RFTN1: variants seen among roughly 807,000 people sequenced by gnomAD.
RFTN1 encodes the protein raftlin, lipid raft linker 1.
In RFTN1, 26 loss-of-function variants were observed where a neutral mutation model predicts 46.5. That is an observed-to-expected ratio of 0.56 (90% CI 0.41 to 0.78). The LOEUF (loss-of-function observed/expected upper bound fraction) is 0.78. RFTN1 is among the 30% of genes least tolerant of loss of function. The pLI is 0.00. For synonymous variants in RFTN1, 261 were observed against 284.2 expected (o/e 0.92, Z 0.82); for missense variants, 693 against 718.7 (o/e 0.96, Z 0.41).
chr3:16,375,713 G>A (rs112644757), intron 5 of RFTN1, among the ~76,000 whole-genome samples: 10 of 152,272 alleles, frequency 6.6e-5, no homozygotes, highest in African/African-American at 2.4e-4. Context: ...GACTGGGCTC[G>A]AAGGAGGCTT....
Position 16,445,491 on chromosome 3 carries a change from A to T in RFTN1, c.146-11454T>A, listed in dbSNP as rs1259257218. Among the ~76,000 whole-genome samples, 973 of 147,340 alleles carry T rather than the reference A, an allele frequency of 6.6e-3. 11 individuals carry two copies. The highest frequency in any genetic ancestry group is 0.023 in the African/African-American group (902 of 38,624). On this transcript the variant is annotated intron_variant, in intron 2 of 9. Transcript: ENST00000334133. Reference sequence around the variant, plus strand: ...TTCTCTCTCTCTCTCTCTCACACACACACACACACACACACACACACACAC... The same window carrying T: ...TTCTCTCTCTCTCTCTCTCACACACTCACACACACACACACACACACACAC...
chr3:16,378,284 A>G (rs1197107305), intron 4 of RFTN1, among the ~76,000 whole-genome samples, 182 bp from the exon 5 acceptor site: 1 of 152,260 alleles, frequency 6.6e-6, no homozygotes, highest in East Asian at 1.9e-4. Context: ...AGTCTGAAGA[A>G]GACAGTTTTT....
intron 5 of RFTN1, among the ~76,000 whole-genome samples, chr3:16,372,957 C>T (rs2073586145): frequency 6.6e-6 from 1 of 152,220 alleles, no homozygotes; most frequent in Non-Finnish European, 1.5e-5. Context: ...GCCCCATCAT[C>T]TCCTTGTCTC....
intron 2 of RFTN1, among the ~76,000 whole-genome samples, chr3:16,462,693 G>C (rs538450910): frequency 6.6e-6 from 1 of 152,336 alleles, no homozygotes; most frequent in African/African-American, 2.4e-5. Context: ...CAGACTTCTG[G>C]CCTCCAGAGC....
chr3:16,459,530 C>A lies in RFTN1; in HGVS notation c.146-25493G>T, dbSNP rs902289479. 9.9e-5 allele frequency among the ~76,000 whole-genome samples: 15 copies of A among 152,104 alleles called. No individual in the cohort carries two copies. The highest frequency in any genetic ancestry group is 1.8e-4 in the Non-Finnish European group (12 of 68,030). ...ACTGCTTAAGCTCAGGAGTTCAAGG[C>A]TACAGTGAGCTGTGATCGTGCCACT... On this transcript the variant is annotated intron_variant, in intron 2 of 9. Transcript: ENST00000334133. The surrounding 1 kb of genome is among the most constrained non-coding windows in gnomAD (Gnocchi z 4.2).
chr3:16,328,133 A>G (rs921833805), intron 7 of RFTN1, among the ~76,000 whole-genome samples: 6 of 152,260 alleles, frequency 3.9e-5, no homozygotes, highest in Non-Finnish European at 7.3e-5. Context: ...CAGCACAAAC[A>G]TGCCAGGAAC....
chr3:16,323,291 G>T, intron 9 of RFTN1, 85 bp downstream of exon 9: 2 of 999,888 alleles, frequency 2.0e-6, no homozygotes, highest in Non-Finnish European at 3.1e-6. Flanking sequence ...AGCTGGAGCA[G>T]GCTGCCCCCT....
chr3:16,366,280 T>G (rs879584367), intron 6 of RFTN1, among the ~76,000 whole-genome samples: 2 of 119,854 alleles, frequency 1.7e-5, no homozygotes, highest in African/African-American at 3.2e-5. Flanking sequence ...TGGGCAGCCT[T>G]AGTCTTACCC....
Position 16,370,031 on chromosome 3 carries a change from A to C in RFTN1, c.1030+45T>G. ...GACTAAGATTTCAAGAGTTAGAAGC[A>C]GAGTTCACAAAGGGCCACCCAAGGA... On this transcript the variant is annotated intron_variant, in intron 6 of 9. Transcript: ENST00000334133. This position sits in a 1 kb window ranked among gnomAD's most constrained non-coding sequence, Gnocchi z 5.5. 6.4e-7 allele frequency: 1 copy of C among 1,551,794 alleles called. No individual in the cohort carries two copies. The highest frequency in any genetic ancestry group is 8.9e-7 in the Non-Finnish European group (1 of 1,123,408).
rs1407324910 is a variant in RFTN1 at position 16,321,534 on chromosome 3, G to T, written c.1332+1842C>A. 2.0e-5 allele frequency among the ~76,000 whole-genome samples: 3 copies of T among 152,174 alleles called. No individual in the cohort carries two copies. The highest frequency in any genetic ancestry group is 3.2e-3 in the Middle Eastern group (1 of 316). ...GACGCTGACCCTTGTCAGCTGAGGA[G>T]TGAGGAGGGGACACCCAGTGCAGAA... On this transcript the variant is annotated intron_variant, in intron 9 of 9. Coordinates refer to ENST00000334133, the MANE Select transcript of RFTN1 (RefSeq NM_015150.2). This position sits in a 1 kb window ranked among gnomAD's most constrained non-coding sequence, Gnocchi z 4.8.
Position 16,450,320 on chromosome 3 carries a change from C to A in RFTN1, c.146-16283G>T, listed in dbSNP as rs932471610. On this transcript the variant is annotated intron_variant, in intron 2 of 9. Transcript: ENST00000334133. The surrounding 1 kb of genome is among the most constrained non-coding windows in gnomAD (Gnocchi z 4.6). ...AAAACATTTAAAATGAAAAAATAAG[C>A]CCCAAATGTCTATCCTTAGCTATGG... is the stretch of plus-strand genomic sequence containing the variant. Among the ~76,000 whole-genome samples the A allele has an allele frequency of 3.2e-4, 48 of 152,172 alleles. No individual in the cohort carries two copies. Among genetic ancestry groups the A allele is most frequent in the African/African-American group, 1.2e-3 (48 of 41,448 alleles).
In RFTN1 at chr3:16,400,240, T is replaced by C. The variant is rs2074568763; in HGVS notation, c.441+9135A>G. ...GCAGGCAAGACAGTGAACTCCCTTCTGCTCCTCAAACCAAACTTACTCCCT... is the reference window on the plus strand; with the variant it reads ...GCAGGCAAGACAGTGAACTCCCTTCCGCTCCTCAAACCAAACTTACTCCCT... On this transcript the variant is annotated intron_variant, in intron 4 of 9. Transcript: ENST00000334133. This position sits in a 1 kb window ranked among gnomAD's most constrained non-coding sequence, Gnocchi z 4.5. Among the ~76,000 whole-genome samples the C allele has an allele frequency of 6.6e-6, 1 of 152,200 alleles. No homozygotes were observed. The highest frequency in any genetic ancestry group is 1.5e-5 in the Non-Finnish European group (1 of 68,026).
At chr3:16,434,400 A>AAAC (rs2075460178) in intron 2 of RFTN1, among the ~76,000 whole-genome samples, 1 of 143,914 alleles carries the variant, frequency 6.9e-6, no homozygotes, top group East Asian at 2.3e-4. Flanking sequence ...AAACAAAAAC[A>AAAC]AAAAAACCCC....
chr3:16,512,441 G>A lies in RFTN1; in HGVS notation c.-9+1001C>T, dbSNP rs192047428. Among the ~76,000 whole-genome samples the A allele has an allele frequency of 1.6e-5, 2 of 123,480 alleles. No individual in the cohort carries two copies. Among genetic ancestry groups the A allele is most frequent in the African/African-American group, 3.4e-5 (1 of 29,322 alleles). 81.0% of individuals were successfully genotyped at this position (123,480 alleles called of 152,430 possible). A position where few individuals can be genotyped will look rare whatever the true frequency, so the allele number is the denominator to read the frequency against. On this transcript the variant is annotated intron_variant, in intron 1 of 9. Transcript: ENST00000334133. This position sits in a 1 kb window ranked among gnomAD's most constrained non-coding sequence, Gnocchi z 4.3. ...CTTTTTTTTTAAAAAAGTACTTCTT[G>A]TTTGTTTGTTTTAAGCCCCCGAAGA...
rs879576516 is a variant in RFTN1 at position 16,475,757 on chromosome 3, G to C, written c.145+17968C>G. Among the ~76,000 whole-genome samples, 2 of 152,234 alleles carry C rather than the reference G, an allele frequency of 1.3e-5. No individual in the cohort carries two copies. The highest frequency in any genetic ancestry group is 6.5e-5 in the Admixed American group (1 of 15,282). On this transcript the variant is annotated intron_variant, in intron 2 of 9. Coordinates refer to ENST00000334133, the MANE Select transcript of RFTN1 (RefSeq NM_015150.2). The surrounding 1 kb of genome is among the most constrained non-coding windows in gnomAD (Gnocchi z 4.2). The stretch of plus-strand genomic sequence containing the variant: ...GGGTAATAAATAAACCTCTGCCACA[G>C]AAGGTGCTGGCTGAGGGCAAAAGCC...
chr3:16,338,846 G>A lies in RFTN1; in HGVS notation c.1147-11970C>T, dbSNP rs2071104892. On this transcript the variant is annotated intron_variant, in intron 7 of 9. Coordinates refer to ENST00000334133, the MANE Select transcript of RFTN1 (RefSeq NM_015150.2). This position sits in a 1 kb window ranked among gnomAD's most constrained non-coding sequence, Gnocchi z 5.3. ...TAAAAAGTTGTTTATTTTGGAGTTG[G>A]GGACCTGGGGAGAGAGCCAGTCTGT... 6.6e-6 allele frequency among the ~76,000 whole-genome samples: 1 copy of A among 152,150 alleles called. No homozygotes were observed. Among genetic ancestry groups the A allele is most frequent in the African/African-American group, 2.4e-5 (1 of 41,418 alleles).
chr3:16,392,721 T>A (rs1485317021), intron 4 of RFTN1, among the ~76,000 whole-genome samples: 1 of 152,038 alleles, frequency 6.6e-6, no homozygotes, highest in Non-Finnish European at 1.5e-5. Context: ...GAAATTTTCC[T>A]GGTGATAACA....
intron 7 of RFTN1, among the ~76,000 whole-genome samples, chr3:16,333,626 A>G (rs970113400): frequency 4.6e-5 from 7 of 152,234 alleles, no homozygotes; most frequent in African/African-American, 1.7e-4. Context: ...CTTAGAATCC[A>G]GAAACCAAAA....
intron 3 of RFTN1, among the ~76,000 whole-genome samples, chr3:16,417,009 C>CTTT (rs72060599): frequency 8.2e-6 from 1 of 121,294 alleles, no homozygotes; most frequent in Non-Finnish European, 1.7e-5. Context: ...TTTTCTTTTT[C>CTTT]TTTTTTTTTT....
Sources: allele counts gnomAD v4.1 joint callset (sites outside exome capture counted in the v4.1 genomes callset), GRCh38; gene constraint gnomAD v4.1.1; non-coding constraint Gnocchi (gnomAD v3.1); transcripts MANE v1.5; gene names NCBI Gene and HGNC (gene_info 2026-07-23, HGNC 2026-07-21).